Variants in CFAP97 observed in about 807,000 individuals in gnomAD.
CFAP97 encodes cilia and flagella associated protein 97.
Under a neutral mutation model 43.1 loss-of-function variants are expected in CFAP97, and 36 were observed. The observed-to-expected ratio is 0.84, with a 90% confidence interval of 0.64 to 1.10. The LOEUF is 1.10. CFAP97 is among the 50% of genes least tolerant of loss of function. The pLI, the probability that CFAP97 is intolerant of heterozygous loss-of-function variation, is 0.00. For missense variants in CFAP97, 657 were observed against 620.3 expected (o/e 1.06, Z -0.63); for synonymous variants, 228 against 225.7 (o/e 1.01, Z -0.09).
At chr4:185,167,872 G>A (rs36063074) in intron 3 of CFAP97, among the ~76,000 whole-genome samples, 5,492 of 151,612 alleles carry the variant, frequency 0.036, 157 homozygotes, top group Non-Finnish European at 0.054. Context: ...GGTGGCAGAC[G>A]TCTGCAGTTC....
At chr4:185,164,225 C>G in intron 3 of CFAP97, 46 bp from the exon 4 acceptor site, 1 of 1,560,994 alleles carries the variant, frequency 6.4e-7, no homozygotes, top group Non-Finnish European at 8.8e-7. Context: ...AAACAGCAAT[C>G]ATTTTTAACA....
At chr4:185,165,857 G>A (rs903007673) in intron 3 of CFAP97, among the ~76,000 whole-genome samples, 8 of 152,148 alleles carry the variant, frequency 5.3e-5, no homozygotes, top group Admixed American at 1.3e-4. Context: ...TCCATGCTGA[G>A]TTCCTGAGCA....
chr4:185,170,315 C>G, intron 3 of CFAP97: 1 of 621,896 alleles, frequency 1.6e-6, no homozygotes, highest in Non-Finnish European at 2.9e-6. Flanking sequence ...CACTGCACTC[C>G]AGCCTGGGTG....
upstream of CFAP97, among the ~76,000 whole-genome samples, chr4:185,205,236 C>G (rs868347157): frequency 2.2e-4 from 33 of 152,244 alleles, no homozygotes; most frequent in African/African-American, 7.9e-4. Context: ...CGGGTGGGGC[C>G]CCCTGAGAGG....
In CFAP97 at chr4:185,193,723, A is replaced by G. The variant is rs189603390; in HGVS notation, c.-16-2511T>C. Reference sequence around the variant, plus strand: ...CATATTATAATTAATTCTATTTTACATCAAATCAGGGAGTAAAAGATTATG... The same window carrying G: ...CATATTATAATTAATTCTATTTTACGTCAAATCAGGGAGTAAAAGATTATG... On this transcript the variant is annotated intron_variant, in intron 1 of 4. Transcript: ENST00000458385. 1.4e-3 allele frequency among the ~76,000 whole-genome samples: 210 copies of G among 152,274 alleles called. 1 individual carries two copies. The highest frequency in any genetic ancestry group is 5.0e-3 in the African/African-American group (206 of 41,554).
intron 3 of CFAP97, among the ~76,000 whole-genome samples, chr4:185,174,082 C>T (rs1735420701): frequency 1.3e-5 from 2 of 152,130 alleles, no homozygotes. Flanking sequence ...AGTCCCTGTG[C>T]CCCACTCAGT....
intron 3 of CFAP97, chr4:185,170,277 T>TG: frequency 1.5e-6 from 1 of 658,988 alleles, no homozygotes. Context: ...ACCCAGGAGA[T>TG]GGAGGCTGCA....
chr4:185,163,382 TCGG>T (rs1329090432), intron 4 of CFAP97, among the ~76,000 whole-genome samples: 2 of 152,114 alleles, frequency 1.3e-5, no homozygotes, highest in Non-Finnish European at 1.5e-5. Flanking sequence ...AGTTGTGGCA[TCGG>T]GCGGTTTGGT....
At chr4:185,183,709 T>C (rs866769980) in intron 2 of CFAP97, among the ~76,000 whole-genome samples, 4 of 152,252 alleles carry the variant, frequency 2.6e-5, no homozygotes, top group South Asian at 2.1e-4. Context: ...AATGCTTTAT[T>C]ATTATGAAGA....
At position 185,159,759 on chromosome 4, in the gene CFAP97, GTTAATT is replaced by G. The variant is rs1327775286; in HGVS notation, c.*3033_*3038del. ...ATGGAACAGAAAATCTTAAAAGGAT[GTTAATT>G]TTAAGTTTCTTACTAATCTTTCCTC... On this transcript the variant is annotated 3_prime_UTR_variant, in exon 5 of 5. Coordinates refer to ENST00000458385, the MANE Select transcript of CFAP97 (RefSeq NM_020827.3). 1.3e-5 allele frequency: 2 copies of G among 152,136 alleles called. No homozygotes were observed. Among genetic ancestry groups the G allele is most frequent in the African/African-American group, 2.4e-5 (1 of 41,432 alleles). The allele number at this position is 152,136 out of a possible 1,614,324, so 9.4% of individuals were successfully genotyped here. A position where few individuals can be genotyped will look rare whatever the true frequency, so the allele number is the denominator to read the frequency against.
chr4:185,165,793 G>A (rs1281375361), intron 3 of CFAP97, among the ~76,000 whole-genome samples: 5 of 152,028 alleles, frequency 3.3e-5, no homozygotes, highest in South Asian at 4.2e-4. Flanking sequence ...CATCACCACC[G>A]ACTCCCATAA....
chr4:185,201,017 A>G lies in CFAP97; in HGVS notation c.-17+2881T>C, dbSNP rs536549214. Among the ~76,000 whole-genome samples, 210 of 152,304 alleles carry G rather than the reference A, an allele frequency of 1.4e-3. 1 individual carries two copies. Among genetic ancestry groups the G allele is most frequent in the African/African-American group, 5.0e-3 (206 of 41,582 alleles). ...GCGGCAGGGTTTGAGAAGACTGACT[A>G]TGTTTTAAAGAAGTTCTACTGTGAG... On this transcript the variant is annotated intron_variant, in intron 1 of 4. Transcript: ENST00000458385.
At chr4:185,182,957 G>A (rs1258481878) in intron 2 of CFAP97, among the ~76,000 whole-genome samples, 1 of 152,014 alleles carries the variant, frequency 6.6e-6, no homozygotes, top group Non-Finnish European at 1.5e-5. Flanking sequence ...AAAATTAGCT[G>A]GGCGTGGTGG....
chr4:185,177,809 T>C (rs572371340), intron 2 of CFAP97, among the ~76,000 whole-genome samples: 2 of 152,172 alleles, frequency 1.3e-5, no homozygotes, highest in Non-Finnish European at 2.9e-5. Flanking sequence ...CACTCCAGCC[T>C]GGGCGACAGA....
At chr4:185,172,037 G>A (rs1246735513) in intron 3 of CFAP97, among the ~76,000 whole-genome samples, 1 of 152,034 alleles carries the variant, frequency 6.6e-6, no homozygotes, top group Non-Finnish European at 1.5e-5. Flanking sequence ...ACTGTACCTG[G>A]CTAAAAATAA....
chr4:185,189,750 A>C (rs1016640030), intron 2 of CFAP97, among the ~76,000 whole-genome samples: 8 of 152,190 alleles, frequency 5.3e-5, no homozygotes, highest in Admixed American at 5.2e-4. Context: ...ACTGTCCCTG[A>C]TATGAGGACG....
Position 185,175,964 on chromosome 4 carries a change from C to A in CFAP97, c.1142G>T (p.Arg381Ile). 1 of 1,613,682 alleles carries A rather than the reference C, an allele frequency of 6.2e-7. No individual in the cohort carries two copies. The highest frequency in any genetic ancestry group is 8.5e-7 in the Non-Finnish European group (1 of 1,179,870). Reference protein sequence around the residue: ...VAPGKNYSFTREEVRQIDREN... With the variant: ...VAPGKNYSFTIEEVRQIDREN... ...CCGATCGATCTGTCTCACCTCTTCT[C>A]TTGTGAAAGAGTAGTTTTTCCCGGG... Residue 381 changes from arginine (R) to isoleucine (I), a missense_variant, in exon 3 of 5, where the codon AGA (arginine) becomes ATA (isoleucine). Arg to Ile is a moderately conservative substitution (Grantham distance 97, BLOSUM62 -3). Transcript: ENST00000458385.
chr4:185,198,424 C>T (rs1216106519), intron 1 of CFAP97, among the ~76,000 whole-genome samples: 1 of 145,324 alleles, frequency 6.9e-6, no homozygotes, highest in Non-Finnish European at 1.5e-5. Flanking sequence ...GCCTGGGTGA[C>T]AGAGTGAGAC....
chr4:185,171,455 C>T (rs1215177152), intron 3 of CFAP97, among the ~76,000 whole-genome samples: 1 of 152,178 alleles, frequency 6.6e-6, no homozygotes, highest in African/African-American at 2.4e-5. Context: ...TAACTTTAGG[C>T]TCCAACCCTG....
Sources: allele counts gnomAD v4.1 joint callset (sites outside exome capture counted in the v4.1 genomes callset), GRCh38; gene constraint gnomAD v4.1.1; transcripts MANE v1.5; gene names NCBI Gene and HGNC (gene_info 2026-07-23, HGNC 2026-07-21).